Variants in NPSR1 observed in about 807,000 individuals in gnomAD.
NPSR1 encodes the protein neuropeptide S receptor 1, also known as neuropeptide S receptor.
NPSR1 carries 48 observed loss-of-function variants against 46.9 expected under a neutral mutation model. That is an observed-to-expected ratio of 1.02 (90% confidence interval 0.81 to 1.30). The LOEUF (loss-of-function observed/expected upper bound fraction) is 1.30. Ranked by LOEUF, NPSR1 falls within the 50% of genes most tolerant of loss-of-function variation. The pLI is 0.00. For synonymous variants in NPSR1, 176 were observed against 168.1 expected (o/e 1.05, Z -0.36); for missense variants, 450 against 449.5 (o/e 1.00, Z -0.01).
At chr7:34,799,505 A>G (rs1306605242) in intron 3 of NPSR1, among the ~76,000 whole-genome samples, 1 of 150,954 alleles carries the variant, frequency 6.6e-6, no homozygotes, top group Non-Finnish European at 1.5e-5. Context: ...TTTTACAGAC[A>G]AGCAAATGCT....
chr7:34,827,318 T>G (rs1204520245), intron 4 of NPSR1, 83 bp from the exon 5 acceptor site: 1 of 1,207,608 alleles, frequency 8.3e-7, no homozygotes, highest in Non-Finnish European at 1.2e-6. Context: ...TGCCCCACAG[T>G]GATCCTTTTC....
chr7:34,799,059 A>C (rs181670491), intron 3 of NPSR1, among the ~76,000 whole-genome samples: 1 of 152,284 alleles, frequency 6.6e-6, no homozygotes. Flanking sequence ...GAGAAAGAAA[A>C]GAAATGTAGG....
At chr7:34,778,631 AGG>A in intron 3 of NPSR1, 66 bp downstream of exon 3, 1 of 1,036,846 alleles carries the variant, frequency 9.6e-7, no homozygotes, top group Non-Finnish European at 1.5e-6. Flanking sequence ...GATTTATCTA[AGG>A]AAAATCATAT....
At chr7:34,669,356 A>G (rs1206514556) in intron 1 of NPSR1, among the ~76,000 whole-genome samples, 1 of 152,120 alleles carries the variant, frequency 6.6e-6, no homozygotes, top group Non-Finnish European at 1.5e-5. Flanking sequence ...TGAGGTCAGG[A>G]GTTTGAGACC....
intron 2 of NPSR1, among the ~76,000 whole-genome samples, chr7:34,711,934 G>C (rs1283848271): frequency 6.6e-6 from 1 of 152,220 alleles, no homozygotes; most frequent in Non-Finnish European, 1.5e-5. Flanking sequence ...GGCTGGGTCT[G>C]TCTCTAACCA....
At chr7:34,858,345 C>T (rs539480084) in intron 8 of NPSR1, among the ~76,000 whole-genome samples, 42 of 151,820 alleles carry the variant, frequency 2.8e-4, no homozygotes, top group African/African-American at 9.7e-4. Context: ...CAATGGAATA[C>T]TTTACAGCAA....
intron 2 of NPSR1, among the ~76,000 whole-genome samples, chr7:34,718,614 G>T (rs1478733244): frequency 6.6e-6 from 1 of 152,162 alleles, no homozygotes; most frequent in African/African-American, 2.4e-5. Context: ...CCTTGTTAAG[G>T]GTAGACCTAC....
chr7:34,827,342 A>T, intron 4 of NPSR1, 59 bp from the exon 5 acceptor site: 1 of 1,476,856 alleles, frequency 6.8e-7, no homozygotes, highest in Admixed American at 1.7e-5. Flanking sequence ...AGCAGACTCC[A>T]TTGTGCTCCC....
chr7:34,861,525 G>T (rs1025192224), intron 8 of NPSR1, among the ~76,000 whole-genome samples: 1 of 151,784 alleles, frequency 6.6e-6, no homozygotes, highest in African/African-American at 2.4e-5. Flanking sequence ...TGTACAATGT[G>T]CTTATTGGCT....
intron 2 of NPSR1, among the ~76,000 whole-genome samples, chr7:34,706,717 T>C (rs1794131558): frequency 1.3e-5 from 2 of 152,166 alleles, no homozygotes; most frequent in Non-Finnish European, 2.9e-5. Flanking sequence ...ATGCAAAATA[T>C]GCGCTAAAAT....
chr7:34,734,021 T>G (rs530669594), intron 2 of NPSR1, among the ~76,000 whole-genome samples: 1 of 152,270 alleles, frequency 6.6e-6, no homozygotes, highest in South Asian at 2.1e-4. Context: ...AGAATCAGAT[T>G]GGTGTTTTAC....
At chr7:34,864,598 A>G (rs539047188) in intron 8 of NPSR1, among the ~76,000 whole-genome samples, 15 of 151,922 alleles carry the variant, frequency 9.9e-5, no homozygotes, top group African/African-American at 3.2e-4. Flanking sequence ...TTAATGTCCA[A>G]AATATATCCC....
At chr7:34,768,028 A>G (rs1392199482) in intron 2 of NPSR1, among the ~76,000 whole-genome samples, 1 of 152,164 alleles carries the variant, frequency 6.6e-6, no homozygotes, top group Non-Finnish European at 1.5e-5. Flanking sequence ...TCACAAAAAA[A>G]TGATAAATGC....
chr7:34,827,379 T>C, intron 4 of NPSR1, 22 bp from the exon 5 acceptor site: 3 of 1,611,442 alleles, frequency 1.9e-6, no homozygotes, highest in Non-Finnish European at 2.5e-6. Flanking sequence ...TACCCAGACA[T>C]TCCTCTCTTT....
chr7:34,717,688 G>T (rs1440444972), intron 2 of NPSR1, among the ~76,000 whole-genome samples: 4 of 152,238 alleles, frequency 2.6e-5, no homozygotes, highest in Non-Finnish European at 5.9e-5. Flanking sequence ...GGTCTTCAGG[G>T]TCTCATCTTG....
At chr7:34,857,971 G>C (rs139137246) in intron 8 of NPSR1, among the ~76,000 whole-genome samples, 1 of 151,666 alleles carries the variant, frequency 6.6e-6, no homozygotes, top group Non-Finnish European at 1.5e-5. Flanking sequence ...AAAAGCAAGG[G>C]AAAGTAAATT....
chr7:34,680,970 AATT>A (rs1396919968), intron 1 of NPSR1, among the ~76,000 whole-genome samples: 1 of 151,658 alleles, frequency 6.6e-6, no homozygotes, highest in African/African-American at 2.4e-5. Flanking sequence ...TGTTGGTAAT[AATT>A]ATATGGGCTT....
intron 2 of NPSR1, among the ~76,000 whole-genome samples, chr7:34,685,110 G>T (rs1013878201): frequency 6.6e-6 from 1 of 152,138 alleles, no homozygotes; most frequent in East Asian, 1.9e-4. Flanking sequence ...TAAAGCCTGT[G>T]GACATTGCTT....
intron 3 of NPSR1, among the ~76,000 whole-genome samples, chr7:34,808,107 G>T (rs1399286837): frequency 6.6e-6 from 1 of 152,132 alleles, no homozygotes; most frequent in African/African-American, 2.4e-5. Flanking sequence ...GGCAGAGCTT[G>T]GGCCGATATG....
Sources: allele counts gnomAD v4.1 joint callset (sites outside exome capture counted in the v4.1 genomes callset), GRCh38; gene constraint gnomAD v4.1.1; transcripts MANE v1.5; gene names NCBI Gene and HGNC (gene_info 2026-07-23, HGNC 2026-07-21).